NT5C3A: variants seen among roughly 807,000 people sequenced by gnomAD.
The protein encoded by NT5C3A is cytosolic 5'-nucleotidase 3A.
In NT5C3A, 23 loss-of-function variants were observed where a neutral mutation model predicts 40.0. That is an observed-to-expected ratio of 0.58 (90% CI 0.41 to 0.81). NT5C3A has a LOEUF of 0.81. Among genes scored for constraint, NT5C3A ranks in the 40% least tolerant of loss-of-function variants. NT5C3A has a pLI of 0.00. For missense variants in NT5C3A, 328 were observed against 403.0 expected, an observed-to-expected ratio of 0.81 and a Z score of 1.59; for synonymous variants, 130 against 141.4, an observed-to-expected ratio of 0.92 and a Z score of 0.57.
At position 33,047,067 on chromosome 7, in the gene NT5C3A, G is replaced by A. The variant is rs77607579; in HGVS notation, c.138+15501C>T. ...AGCGATCCTCTCACCTCAGCCTCCC[G>A]AATCTTTTTATTTTATTATAGCTGA... is the stretch of plus-strand genomic sequence containing the variant. On this transcript the variant is annotated intron_variant, in intron 1 of 8. Transcript: ENST00000610140. Among the ~76,000 whole-genome samples the A allele has an allele frequency of 0.01, 1,545 of 150,056 alleles. 59 individuals are homozygous for A. In the East Asian group the frequency reaches 0.14, roughly 13 times the overall value.
rs531768951 is a variant in NT5C3A, at chr7:33,030,696, T to C, written c.139-3781A>G. ...TTCACTTATTTTGACCAATACTTAA[T>C]ATATTTATAGAGATGAAATGGATTT... On this transcript the variant is annotated intron_variant, in intron 1 of 8. Transcript: ENST00000610140. Among the ~76,000 whole-genome samples the C allele has an allele frequency of 2.0e-5, 3 of 152,336 alleles. No individual in the cohort carries two copies. In the South Asian group the frequency reaches 6.2e-4, roughly 32 times the overall value.
intron 1 of NT5C3A, among the ~76,000 whole-genome samples, chr7:33,059,094 TTC>T (rs1787678747): frequency 6.6e-6 from 1 of 152,214 alleles, no homozygotes; most frequent in South Asian, 2.1e-4. Flanking sequence ...TTGCCAAGTT[TTC>T]TGTTTTCTTC....
At chr7:33,039,050 A>G (rs920477316) in intron 1 of NT5C3A, 10 of 363,958 alleles carry the variant, frequency 2.7e-5, no homozygotes, top group African/African-American at 1.7e-4. Flanking sequence ...GGTCTCTACT[A>G]TAGCAGAGTT....
chr7:33,025,625 A>C (rs28576352), intron 2 of NT5C3A, among the ~76,000 whole-genome samples: 2 of 152,024 alleles, frequency 1.3e-5, no homozygotes, highest in African/African-American at 2.4e-5. Flanking sequence ...CATAAAACTA[A>C]ACACTTTTAA....
chr7:33,040,764 TAA>T (rs1786874578), intron 1 of NT5C3A: 2 of 386,902 alleles, frequency 5.2e-6, no homozygotes, highest in Non-Finnish European at 7.1e-6. Flanking sequence ...TTTTATTTCC[TAA>T]GTTTGTATTT....
chr7:33,022,865 A>T (rs1031217411), intron 3 of NT5C3A, among the ~76,000 whole-genome samples: 6 of 151,706 alleles, frequency 4.0e-5, no homozygotes, highest in Non-Finnish European at 8.8e-5. Context: ...ATTTGAGATT[A>T]TTAGAAATTC....
chr7:33,022,019 C>A, intron 4 of NT5C3A, 34 bp downstream of exon 4: 1 of 1,278,916 alleles, frequency 7.8e-7, no homozygotes, highest in Non-Finnish European at 1.1e-6. Flanking sequence ...GTAATGAAGT[C>A]TTTGAGTGAC....
intron 7 of NT5C3A, 52 bp from the exon 8 acceptor site, chr7:33,015,922 A>G (rs1785299322): frequency 3.2e-6 from 4 of 1,249,530 alleles, no homozygotes; most frequent in Non-Finnish European, 4.7e-6. Flanking sequence ...TATTTGTTGG[A>G]TTTTCATATT....
intron 1 of NT5C3A, chr7:33,041,098 G>A (rs759851378): frequency 8.5e-5 from 84 of 984,910 alleles, no homozygotes; most frequent in African/African-American, 1.6e-4. Flanking sequence ...ATCAATTGAA[G>A]TTATGTGACG....
intron 1 of NT5C3A, among the ~76,000 whole-genome samples, chr7:33,039,240 A>G (rs1044899580): frequency 6.6e-6 from 1 of 152,154 alleles, no homozygotes; most frequent in African/African-American, 2.4e-5. Context: ...ACCTGATTTA[A>G]AGCAAGTCTT....
At chr7:33,031,932 C>T (rs543402881) in intron 1 of NT5C3A, among the ~76,000 whole-genome samples, 1 of 152,246 alleles carries the variant, frequency 6.6e-6, no homozygotes, top group East Asian at 1.9e-4. Flanking sequence ...CAAGACCAGC[C>T]TGGCCAACAT....
At chr7:33,022,575 CA>C (rs1278385372) in intron 3 of NT5C3A, among the ~76,000 whole-genome samples, 2 of 152,018 alleles carry the variant, frequency 1.3e-5, no homozygotes, top group Non-Finnish European at 2.9e-5. Context: ...AAGTAATGAA[CA>C]ATATTTTAGT....
At chr7:33,061,594 C>A (rs541495913) in intron 1 of NT5C3A, among the ~76,000 whole-genome samples, 1 of 152,114 alleles carries the variant, frequency 6.6e-6, no homozygotes, top group East Asian at 1.9e-4. Flanking sequence ...TAGGACAAAT[C>A]GTGTCTTTCG....
intron 1 of NT5C3A, among the ~76,000 whole-genome samples, chr7:33,060,630 A>G (rs1280322633): frequency 6.6e-6 from 1 of 152,188 alleles, no homozygotes. Context: ...TTAGCCAGTT[A>G]GATAGGCCCA....
chr7:33,018,009 G>A (rs1247260733), intron 6 of NT5C3A, among the ~76,000 whole-genome samples: 2 of 152,182 alleles, frequency 1.3e-5, no homozygotes, highest in Non-Finnish European at 2.9e-5. Context: ...GCGAGACCCT[G>A]TCTCTAAAAT....
intron 1 of NT5C3A, among the ~76,000 whole-genome samples, chr7:33,058,186 C>A (rs1787640382): frequency 2.0e-5 from 3 of 151,900 alleles, no homozygotes; most frequent in African/African-American, 7.3e-5. Context: ...AAAGAGGTGT[C>A]ATTTAGTAGG....
rs192673413 is a variant in NT5C3A at position 33,040,021 on chromosome 7, C to T, written c.139-13106G>A. On this transcript the variant is annotated intron_variant, in intron 1 of 8. Transcript: ENST00000610140. Reference sequence around the variant, plus strand: ...GCATTTTTTCAAGATAAGTAAACCACATACAGCACATGGAAACTAAGTAAT... The same window carrying T: ...GCATTTTTTCAAGATAAGTAAACCATATACAGCACATGGAAACTAAGTAAT... Among the ~76,000 whole-genome samples, 306 of 152,168 alleles carry T rather than the reference C, an allele frequency of 2.0e-3. 2 individuals carry two copies. The highest frequency in any genetic ancestry group is 6.6e-3 in the African/African-American group (274 of 41,520).
chr7:33,058,919 G>C lies in NT5C3A; in HGVS notation c.138+3649C>G, dbSNP rs144531564. On this transcript the variant is annotated intron_variant, in intron 1 of 8. Transcript: ENST00000610140. Reference sequence around the variant, plus strand: ...GTCTTCACATCATTGTTTTACCAACGGCGGCTCAACCCACTGCTACCATAG... The same window carrying C: ...GTCTTCACATCATTGTTTTACCAACCGCGGCTCAACCCACTGCTACCATAG... 5.1e-4 allele frequency among the ~76,000 whole-genome samples: 77 copies of C among 152,222 alleles called. No homozygotes were observed. The East Asian group carries it at 0.014, about 27-fold the overall frequency.
chr7:33,028,982 G>A (rs1320905856), intron 1 of NT5C3A, among the ~76,000 whole-genome samples: 3 of 151,658 alleles, frequency 2.0e-5, no homozygotes, highest in South Asian at 2.1e-4. Context: ...GTAAACCCGG[G>A]AGGCAGAGCT....
Sources: gnomAD v4.1 joint callset for allele counts (sites outside exome capture counted in the v4.1 genomes callset) on GRCh38, gnomAD v4.1.1 for gene constraint, MANE v1.5 for transcripts, NCBI Gene and HGNC (gene_info 2026-07-23, HGNC 2026-07-21) for gene names.